The following DHX57 variants were observed in gnomAD, a reference collection of about 807,000 sequenced individuals.
The protein encoded by DHX57 is DExH-box helicase 57.
A neutral mutation model predicts 156.2 loss-of-function variants in DHX57; 105 were observed. The observed-to-expected ratio is 0.67, with a 90% CI of 0.57 to 0.79. The LOEUF (loss-of-function observed/expected upper bound fraction) is 0.79. DHX57 is among the 30% of genes least tolerant of loss of function. The pLI is 0.00. For missense variants in DHX57, 1,847 were observed against 1,661.9 expected, an observed-to-expected ratio of 1.11 and a Z score of -1.94; for synonymous variants, 704 against 595.6, an observed-to-expected ratio of 1.18 and a Z score of -2.65.
In DHX57 at chr2:38,813,744, T is replaced by C; in HGVS notation, c.3681+77A>G. The C allele has an allele frequency of 2.7e-6, 4 of 1,467,158 alleles. No homozygotes were observed. The East Asian group carries it at 6.9e-5, about 25-fold the overall frequency. The allele number at this position is 1,467,158 out of a possible 1,614,324, so 90.9% of individuals were successfully genotyped here. A position where few individuals can be genotyped will look rare whatever the true frequency, so the allele number is the denominator to read the frequency against. ...GTATATATCTCTTTAAGATGATTAATATGCACATCTTAACTTACATCACTT... is the reference window on the plus strand; with the variant it reads ...GTATATATCTCTTTAAGATGATTAACATGCACATCTTAACTTACATCACTT... On this transcript the variant is annotated intron_variant, in intron 21 of 23. Transcript: ENST00000457308.
intron 2 of DHX57, among the ~76,000 whole-genome samples, chr2:38,866,917 T>C (rs778076034): frequency 6.6e-6 from 1 of 152,176 alleles, no homozygotes; most frequent in Non-Finnish European, 1.5e-5. Context: ...AAGTCTATAG[T>C]AGTGTACAGT....
At chr2:38,852,079 T>C (rs1369028312) in intron 9 of DHX57, among the ~76,000 whole-genome samples, 1 of 152,106 alleles carries the variant, frequency 6.6e-6, no homozygotes, top group Admixed American at 6.5e-5. Context: ...ATTCTTTTTA[T>C]CTAAAAGTCT....
chr2:38,819,036 G>A lies in DHX57; in HGVS notation c.3387+13C>T. On this transcript the variant is annotated intron_variant, in intron 18 of 23. Transcript: ENST00000457308. ...ACTGGTAATAAAACTAAGCTATTAG[G>A]TTATATACTTACCTTATACGCTTGT... 1 of 1,613,854 alleles carries A rather than the reference G, an allele frequency of 6.2e-7. No individual in the cohort carries two copies. Among genetic ancestry groups the A allele is most frequent in the Non-Finnish European group, 8.5e-7 (1 of 1,179,942 alleles).
intron 13 of DHX57, among the ~76,000 whole-genome samples, chr2:38,829,539 G>C (rs1033470614): frequency 2.6e-5 from 4 of 152,150 alleles, no homozygotes; most frequent in Non-Finnish European, 5.9e-5. Flanking sequence ...AAAAGTGCTG[G>C]GATTACAGGC....
intron 9 of DHX57, chr2:38,853,453 T>C (rs1245602147): frequency 6.6e-6 from 1 of 152,228 alleles, no homozygotes; most frequent in Non-Finnish European, 1.5e-5. Flanking sequence ...AATTGTCATC[T>C]TACAGAGATA....
chr2:38,802,288 C>CTTT (rs35572458), intron 23 of DHX57, among the ~76,000 whole-genome samples: 12 of 131,656 alleles, frequency 9.1e-5, no homozygotes, highest in African/African-American at 2.7e-4. Flanking sequence ...CCATCATTCA[C>CTTT]TTTTTTTTTT....
At chr2:38,871,977 G>A (rs1181397689) in intron 1 of DHX57, among the ~76,000 whole-genome samples, 1 of 151,994 alleles carries the variant, frequency 6.6e-6, no homozygotes, top group Non-Finnish European at 1.5e-5. Flanking sequence ...CAAAGTGCTG[G>A]GATTACAGGC....
intron 1 of DHX57, among the ~76,000 whole-genome samples, chr2:38,870,033 G>C (rs560863797): frequency 6.6e-6 from 1 of 152,084 alleles, no homozygotes; most frequent in South Asian, 2.1e-4. Context: ...AGAACCAAAT[G>C]GGAATTCTGG....
intron 15 of DHX57, 125 bp downstream of exon 15, chr2:38,826,391 A>G (rs1671086934): frequency 8.8e-7 from 1 of 1,130,914 alleles, no homozygotes; most frequent in Non-Finnish European, 1.3e-6. Flanking sequence ...ATCCACGTAC[A>G]GTTTTCACAA....
At chr2:38,831,573 G>A (rs1356675111) in intron 13 of DHX57, among the ~76,000 whole-genome samples, 1 of 151,906 alleles carries the variant, frequency 6.6e-6, no homozygotes, top group Non-Finnish European at 1.5e-5. Context: ...AAATGACATA[G>A]GCTGGGCATG....
chr2:38,836,926 C>T (rs1429228229), intron 13 of DHX57, among the ~76,000 whole-genome samples: 1 of 152,052 alleles, frequency 6.6e-6, no homozygotes, highest in East Asian at 1.9e-4. Flanking sequence ...GATCATGGCT[C>T]ATGGCAGCTT....
intron 15 of DHX57, 74 bp downstream of exon 15, chr2:38,826,442 T>C: frequency 1.3e-6 from 2 of 1,504,892 alleles, no homozygotes; most frequent in Non-Finnish European, 9.1e-7. Context: ...TTAATAGCAT[T>C]AGCCACTAAC....
intron 16 of DHX57, among the ~76,000 whole-genome samples, chr2:38,823,909 G>C (rs1670958659): frequency 6.6e-6 from 1 of 152,110 alleles, no homozygotes; most frequent in Non-Finnish European, 1.5e-5. Flanking sequence ...CTACTTGGGA[G>C]GCTGAGGCAG....
chr2:38,808,603 G>A (rs1199278965), intron 21 of DHX57, among the ~76,000 whole-genome samples: 1 of 151,978 alleles, frequency 6.6e-6, no homozygotes, highest in Non-Finnish European at 1.5e-5. Context: ...TCTCCTAGCT[G>A]TATCTTTGTG....
intron 22 of DHX57, among the ~76,000 whole-genome samples, chr2:38,805,113 GTTCT>G (rs1204122077): frequency 1.3e-5 from 2 of 152,146 alleles, no homozygotes; most frequent in African/African-American, 4.8e-5. Context: ...AAGAGGAGTA[GTTCT>G]TTCTTGAGAA....
chr2:38,856,604 A>G (rs1672913379), intron 6 of DHX57, 143 bp from the exon 7 acceptor site: 2 of 1,067,664 alleles, frequency 1.9e-6, no homozygotes, highest in Non-Finnish European at 1.3e-6. Context: ...CCCAGGCTCT[A>G]GCGATCCTCC....
At chr2:38,865,780 C>T (rs959262947) in intron 2 of DHX57, among the ~76,000 whole-genome samples, 21 of 152,196 alleles carry the variant, frequency 1.4e-4, no homozygotes, top group African/African-American at 5.1e-4. Flanking sequence ...AGAAGACTCA[C>T]ACATTTACAT....
chr2:38,858,809 G>A lies in DHX57; in HGVS notation c.1439C>T (p.Ser480Leu). Reference protein sequence around the residue: ...EVEKASESEESDEDDGPAPVI... With the variant: ...EVEKASESEELDEDDGPAPVI... ...AGGTGCAGGACCGTCATCCTCATCT[G>A]ACTCCTCAGATTCTGATGCTTTTTC... The change falls in exon 6 of 24, where the codon TCA becomes TTA. Residue 480 changes from serine to leucine, a missense_variant. Physicochemically the swap from Ser to Leu is moderately radical, Grantham distance 145 (BLOSUM62 -2). Coordinates refer to ENST00000457308, the MANE Select transcript of DHX57 (RefSeq NM_198963.3). 1 of 1,611,880 alleles carries A rather than the reference G, an allele frequency of 6.2e-7. No individual in the cohort carries two copies. The highest frequency in any genetic ancestry group is 1.3e-5 in the African/African-American group (1 of 74,868).
intron 19 of DHX57, among the ~76,000 whole-genome samples, chr2:38,817,477 G>C (rs1039941179): frequency 1.1e-4 from 17 of 151,808 alleles, no homozygotes; most frequent in African/African-American, 4.1e-4. Context: ...ACCATGCCCA[G>C]CTAATTTTTT....
Sources: allele counts gnomAD v4.1 joint callset (sites outside exome capture counted in the v4.1 genomes callset), GRCh38; gene constraint gnomAD v4.1.1; transcripts MANE v1.5; gene names NCBI Gene and HGNC (gene_info 2026-07-23, HGNC 2026-07-21).